The following FCHSD2 variants were observed in gnomAD, a reference collection of about 807,000 sequenced individuals.
The protein encoded by FCHSD2 is F-BAR and double SH3 domains protein 2.
In FCHSD2, 38 loss-of-function variants were observed where a neutral mutation model predicts 108.1. That is an observed-to-expected ratio of 0.35 (90% CI 0.27 to 0.46). The LOEUF (loss-of-function observed/expected upper bound fraction) is 0.46. Ranked by LOEUF, FCHSD2 falls within the 20% of genes least tolerant of loss-of-function variation. The pLI, the probability that FCHSD2 is intolerant of heterozygous loss-of-function variation, is 1.00. For missense variants in FCHSD2, 751 were observed against 897.8 expected (o/e 0.84, Z 2.09); for synonymous variants, 279 against 314.7 (o/e 0.89, Z 1.20).
At chr11:72,988,378 T>C (rs1019989161) in intron 6 of FCHSD2, among the ~76,000 whole-genome samples, 7 of 152,166 alleles carry the variant, frequency 4.6e-5, no homozygotes, top group African/African-American at 1.2e-4. Flanking sequence ...CTTCTTTTCC[T>C]ACTTATTCTT....
intron 3 of FCHSD2, among the ~76,000 whole-genome samples, chr11:73,023,655 A>G (rs1267050738): frequency 6.6e-6 from 1 of 152,204 alleles, no homozygotes; most frequent in Non-Finnish European, 1.5e-5. Context: ...TTCCACAATC[A>G]TGTTCTAGGT....
At chr11:73,031,400 C>T (rs988867764) in intron 3 of FCHSD2, among the ~76,000 whole-genome samples, 3 of 151,264 alleles carry the variant, frequency 2.0e-5, no homozygotes, top group Non-Finnish European at 2.9e-5. Context: ...CACTTGAGGG[C>T]GGGAGGTGGA....
intron 19 of FCHSD2, 63 bp from the exon 20 acceptor site, chr11:72,838,937 C>G (rs1860818854): frequency 2.1e-6 from 3 of 1,445,074 alleles, no homozygotes; most frequent in Middle Eastern, 1.7e-4. Flanking sequence ...GAAGCATCCC[C>G]AAAACCTAAT....
chr11:72,895,328 A>G (rs1364628763), intron 10 of FCHSD2, among the ~76,000 whole-genome samples: 1 of 152,226 alleles, frequency 6.6e-6, no homozygotes, highest in African/African-American at 2.4e-5. Context: ...TTGGATTAAG[A>G]GTACCAAAGG....
chr11:73,111,475 TTCAG>T, intron 2 of FCHSD2, among the ~76,000 whole-genome samples: 1 of 152,082 alleles, frequency 6.6e-6, no homozygotes, highest in African/African-American at 2.4e-5. Flanking sequence ...TTTTTTTTTT[TTCAG>T]TCTATGTGTG....
intron 13 of FCHSD2, among the ~76,000 whole-genome samples, chr11:72,857,883 G>A (rs144333577): frequency 1.4e-3 from 218 of 152,158 alleles, no homozygotes; most frequent in South Asian, 2.7e-3. Flanking sequence ...TAGAAAGCAG[G>A]GTCTTGGGGT....
chr11:73,110,965 T>A (rs765700040), intron 2 of FCHSD2, among the ~76,000 whole-genome samples: 1 of 152,224 alleles, frequency 6.6e-6, no homozygotes, highest in Non-Finnish European at 1.5e-5. Context: ...AATTTCCATG[T>A]GGTTATATAG....
intron 14 of FCHSD2, among the ~76,000 whole-genome samples, chr11:72,849,521 G>A (rs1861228527): frequency 6.6e-6 from 1 of 152,190 alleles, no homozygotes; most frequent in South Asian, 2.1e-4. Context: ...CTTCAATGAG[G>A]AGCAGGGGAC....
chr11:72,936,120 T>C lies in FCHSD2; in HGVS notation c.706-14170A>G, dbSNP rs1330748135. On this transcript the variant is annotated intron_variant, in intron 8 of 19. Transcript: ENST00000409418. ...CACTCTGGGAAGACACTGACCGTTCTTGAGCTTTCCATTCCTTATCTGACA... is the reference window on the plus strand; with the variant it reads ...CACTCTGGGAAGACACTGACCGTTCCTGAGCTTTCCATTCCTTATCTGACA... Among the ~76,000 whole-genome samples, 5 of 152,226 alleles carry C rather than the reference T, an allele frequency of 3.3e-5. No individual in the cohort carries two copies. In the East Asian group the frequency reaches 9.6e-4, roughly 29 times the overall value.
chr11:72,841,449 C>G lies in FCHSD2; in HGVS notation c.2056+5G>C, dbSNP rs750733173. The stretch of plus-strand genomic sequence containing the variant: ...ATTTAGACCCATGCCCAGGAGAACC[C>G]TTACCGTTTGCTGAAGGAGACCGGG... On this transcript the variant is annotated splice_donor_5th_base_variant and intron_variant, in intron 18 of 19. Transcript: ENST00000409418. 6.0e-5 allele frequency: 96 copies of G among 1,610,300 alleles called. No homozygotes were observed. The highest frequency in any genetic ancestry group is 7.6e-6 in the Non-Finnish European group (9 of 1,178,474).
intron 8 of FCHSD2, among the ~76,000 whole-genome samples, chr11:72,976,114 A>G (rs1591449780): frequency 6.6e-6 from 1 of 152,192 alleles, no homozygotes. Context: ...GGGTCTAGCA[A>G]TAGTTTTTTG....
At chr11:73,010,176 A>C (rs1431850843) in intron 4 of FCHSD2, among the ~76,000 whole-genome samples, 1 of 152,104 alleles carries the variant, frequency 6.6e-6, no homozygotes, top group Non-Finnish European at 1.5e-5. Context: ...TGCTTGATCT[A>C]GTCTATTGTT....
chr11:72,964,723 A>G (rs1470191836), intron 8 of FCHSD2, among the ~76,000 whole-genome samples: 2 of 151,722 alleles, frequency 1.3e-5, no homozygotes, highest in Non-Finnish European at 1.5e-5. Flanking sequence ...TATTCTTGCT[A>G]TTAGTATCTG....
chr11:72,849,506 C>A (rs1861228241), intron 14 of FCHSD2, among the ~76,000 whole-genome samples: 1 of 152,154 alleles, frequency 6.6e-6, no homozygotes, highest in South Asian at 2.1e-4. Context: ...ACTATTTGAG[C>A]TGAGCTTCAA....
chr11:72,908,789 C>A (rs541896944), intron 9 of FCHSD2, among the ~76,000 whole-genome samples: 25 of 152,198 alleles, frequency 1.6e-4, no homozygotes, highest in African/African-American at 5.8e-4. Context: ...ATCTCAGCCT[C>A]CTACAGACAT....
chr11:72,964,988 A>G (rs1591440708), intron 8 of FCHSD2, among the ~76,000 whole-genome samples: 1 of 151,894 alleles, frequency 6.6e-6, no homozygotes, highest in Non-Finnish European at 1.5e-5. Flanking sequence ...ACGGGGTTTC[A>G]CTGTGTTAGC....
intron 3 of FCHSD2, among the ~76,000 whole-genome samples, chr11:73,077,910 CAATA>C (rs1565399450): frequency 6.6e-6 from 1 of 152,066 alleles, no homozygotes; most frequent in Non-Finnish European, 1.5e-5. Flanking sequence ...AACTACATAA[CAATA>C]AAGCTATTTT....
At chr11:73,058,597 CTTT>C (rs765288070) in intron 3 of FCHSD2, among the ~76,000 whole-genome samples, 5 of 137,392 alleles carry the variant, frequency 3.6e-5, no homozygotes, top group Admixed American at 7.3e-5. Flanking sequence ...TTTCATTTTC[CTTT>C]TTTTTTTTTT....
intron 5 of FCHSD2, among the ~76,000 whole-genome samples, chr11:72,993,453 T>G (rs905058371): frequency 7.2e-5 from 11 of 152,178 alleles, no homozygotes; most frequent in African/African-American, 2.7e-4. Flanking sequence ...TAGAGACACA[T>G]GCACACATAT....
Sources: gnomAD v4.1 joint callset for allele counts (sites outside exome capture counted in the v4.1 genomes callset) on GRCh38, gnomAD v4.1.1 for gene constraint, MANE v1.5 for transcripts, NCBI Gene and HGNC (gene_info 2026-07-23, HGNC 2026-07-21) for gene names.